The following SNAP25 variants were observed in gnomAD, a reference collection of about 807,000 sequenced individuals.
SNAP25 encodes synaptosome associated protein 25.
SNAP25 carries 3 observed loss-of-function variants against 28.7 expected under a neutral mutation model. The ratio of observed to expected loss-of-function variants is 0.10; its 90% CI spans 0.05 to 0.27. The LOEUF is 0.27. Ranked by LOEUF, SNAP25 falls within the 10% of genes least tolerant of loss-of-function variation. The pLI is 1.00. For synonymous variants in SNAP25, 61 were observed against 88.1 expected (o/e 0.69, Z 1.72); for missense variants, 117 against 278.7 (o/e 0.42, Z 4.13).
In SNAP25 at chr20:10,306,144, A is replaced by G. The variant is rs1753004259; in HGVS notation, c.568A>G (p.Thr190Ala). 6.2e-7 allele frequency: 1 copy of G among 1,613,418 alleles called. No homozygotes were observed. Among genetic ancestry groups the G allele is most frequent in the Admixed American group, 1.7e-5 (1 of 59,880 alleles). Residue 190 changes from threonine to alanine, a missense_variant, in exon 8 of 8, where the codon ACC becomes GCC. Physicochemically the swap from Thr to Ala is moderately conservative, Grantham distance 58 (BLOSUM62 0). Transcript: ENST00000254976. ...RIMEKADSNK[T>A]RIDEANQRAT... ...CCTTTTCTAGGCTGATTCCAACAAA[A>G]CCAGAATTGATGAGGCCAACCAACG...
At chr20:10,296,643 T>C in intron 5 of SNAP25, 1 of 405,994 alleles carries the variant, frequency 2.5e-6, no homozygotes, top group Non-Finnish European at 4.5e-6. Flanking sequence ...TTAATCCTTG[T>C]CCAAAATCCA....
chr20:10,291,030 G>T (rs1006695818), intron 4 of SNAP25, among the ~76,000 whole-genome samples: 20 of 152,272 alleles, frequency 1.3e-4, no homozygotes, highest in African/African-American at 4.6e-4. Context: ...CTTCTTGAAT[G>T]TAGGGGATTG....
At chr20:10,242,374 C>T (rs1057502238) in intron 1 of SNAP25, among the ~76,000 whole-genome samples, 5 of 152,150 alleles carry the variant, frequency 3.3e-5, no homozygotes, top group African/African-American at 1.2e-4. Flanking sequence ...GTCAGTCATT[C>T]CAGCACAGAG....
intron 4 of SNAP25, among the ~76,000 whole-genome samples, chr20:10,285,124 T>C (rs1029780747): frequency 1.3e-5 from 2 of 152,220 alleles, no homozygotes; most frequent in African/African-American, 4.8e-5. Context: ...ATAAATTTGA[T>C]TTTCTTCTAA....
At chr20:10,259,025 A>G (rs946778352) in intron 1 of SNAP25, among the ~76,000 whole-genome samples, 1 of 152,206 alleles carries the variant, frequency 6.6e-6, no homozygotes, top group Admixed American at 6.5e-5. Flanking sequence ...GTTGGCGTAT[A>G]GTAGGCTTGT....
intron 1 of SNAP25, among the ~76,000 whole-genome samples, chr20:10,258,169 T>C (rs1320832770): frequency 6.6e-6 from 1 of 152,208 alleles, no homozygotes; most frequent in Non-Finnish European, 1.5e-5. Context: ...TCATGGAAAT[T>C]TAAATGATTC....
At chr20:10,245,009 G>C (rs924553855) in intron 1 of SNAP25, among the ~76,000 whole-genome samples, 4 of 152,104 alleles carry the variant, frequency 2.6e-5, no homozygotes. Flanking sequence ...GAGATTACAG[G>C]CATGAGCCAC....
At chr20:10,223,961 A>G (rs1326412695) in intron 1 of SNAP25, among the ~76,000 whole-genome samples, 1 of 152,196 alleles carries the variant, frequency 6.6e-6, no homozygotes, top group African/African-American at 2.4e-5. Context: ...CAAATCAGTG[A>G]TTAATCAGAA....
chr20:10,245,574 T>C (rs2063112352), intron 1 of SNAP25, among the ~76,000 whole-genome samples: 1 of 152,236 alleles, frequency 6.6e-6, no homozygotes, highest in Non-Finnish European at 1.5e-5. Flanking sequence ...TCTGGGGCAG[T>C]GTGGGTTTCA....
intron 1 of SNAP25, among the ~76,000 whole-genome samples, chr20:10,252,375 T>A (rs550097630): frequency 1.1e-4 from 17 of 149,012 alleles, no homozygotes; most frequent in Admixed American, 9.3e-4. Context: ...GCCATACAAC[T>A]ACAATGCTTG....
chr20:10,237,774 A>G (rs2062950347), intron 1 of SNAP25, among the ~76,000 whole-genome samples: 1 of 152,208 alleles, frequency 6.6e-6, no homozygotes, highest in African/African-American at 2.4e-5. Flanking sequence ...CTCAGCTTAA[A>G]AATAACAAAG....
chr20:10,238,073 G>A (rs1406217599), intron 1 of SNAP25, among the ~76,000 whole-genome samples: 1 of 152,268 alleles, frequency 6.6e-6, no homozygotes, highest in Middle Eastern at 3.4e-3. Context: ...TACCCTAGGG[G>A]CTGGGATCAC....
chr20:10,226,457 C>A (rs1246562948), intron 1 of SNAP25, among the ~76,000 whole-genome samples: 1 of 152,076 alleles, frequency 6.6e-6, no homozygotes, highest in Non-Finnish European at 1.5e-5. Context: ...ATTTATTGAA[C>A]ACCTGCCATG....
intron 1 of SNAP25, among the ~76,000 whole-genome samples, chr20:10,237,015 T>C (rs1213779232): frequency 6.6e-6 from 1 of 152,044 alleles, no homozygotes; most frequent in Non-Finnish European, 1.5e-5. Context: ...AATTCTTTGG[T>C]TGGAATGCTG....
chr20:10,297,198 C>A, intron 6 of SNAP25, 148 bp downstream of exon 6: 1 of 1,117,382 alleles, frequency 8.9e-7, no homozygotes, highest in Non-Finnish European at 1.2e-6. Context: ...TTTCCTGGAC[C>A]TTGCCTGGGT....
chr20:10,277,758 A>T, intron 3 of SNAP25, 32 bp downstream of exon 3: 1 of 1,594,832 alleles, frequency 6.3e-7, no homozygotes, highest in Non-Finnish European at 8.6e-7. Flanking sequence ...AGATAAAGGA[A>T]CAAATCCCTT....
Position 10,284,862 on chromosome 20 carries a change from A to G in SNAP25, c.163+90A>G, listed in dbSNP as rs1044724812. Reference sequence around the variant, plus strand: ...TGTGCATACGCAGATGGTCGCTTTGACATGTGTTACACATGTACACGAATG... The same window carrying G: ...TGTGCATACGCAGATGGTCGCTTTGGCATGTGTTACACATGTACACGAATG... On this transcript the variant is annotated intron_variant, in intron 4 of 7. Transcript: ENST00000254976. 4 of 1,006,520 alleles carry G rather than the reference A, an allele frequency of 4.0e-6. No individual in the cohort carries two copies. The African/African-American group carries it at 6.4e-5, about 16-fold the overall frequency. 62.3% of individuals were successfully genotyped at this position (1,006,520 alleles called of 1,614,324 possible). A position where few individuals can be genotyped will look rare whatever the true frequency, so the allele number is the denominator to read the frequency against.
At chr20:10,221,198 G>A (rs1426545542) in intron 1 of SNAP25, among the ~76,000 whole-genome samples, 4 of 152,320 alleles carry the variant, frequency 2.6e-5, no homozygotes, top group South Asian at 2.1e-4. Context: ...CCGGAATTAC[G>A]TGCTTGGACA....
rs6133846 is a variant in SNAP25 at position 10,285,047 on chromosome 20, T to G, written c.163+275T>G. Among the ~76,000 whole-genome samples, 114 of 147,876 alleles carry G rather than the reference T, an allele frequency of 7.7e-4. 1 individual carries two copies. The highest frequency in any genetic ancestry group is 6.5e-3 in the South Asian group (31 of 4,758). ...TGAATTTTGAAGGCAAAAGCCATTT[T>G]TTTTAAATGATAGTATTTTGGACAG... On this transcript the variant is annotated intron_variant, in intron 4 of 7. Transcript: ENST00000254976.
Sources: gnomAD v4.1 joint callset for allele counts (sites outside exome capture counted in the v4.1 genomes callset) on GRCh38, gnomAD v4.1.1 for gene constraint, MANE v1.5 for transcripts, NCBI Gene and HGNC (gene_info 2026-07-23, HGNC 2026-07-21) for gene names.